Variants in TMEM202 observed in about 807,000 individuals in gnomAD.
TMEM202 encodes the protein transmembrane protein 202.
Under a neutral mutation model 26.1 loss-of-function variants are expected in TMEM202, and 25 were observed. The observed-to-expected ratio is 0.96, with a 90% CI of 0.70 to 1.34. The LOEUF (loss-of-function observed/expected upper bound fraction) is 1.34. TMEM202 is among the 40% of genes most tolerant of loss of function. The probability of loss-of-function intolerance (pLI) is 0.00; values close to 1 mark genes in which losing one functional copy is unlikely to be tolerated. For missense variants in TMEM202, 301 were observed against 327.7 expected (o/e 0.92, Z 0.63); for synonymous variants, 122 against 119.0 (o/e 1.02, Z -0.16).
intron 2 of TMEM202, among the ~76,000 whole-genome samples, chr15:72,406,380 T>C (rs781575407): frequency 1.3e-5 from 2 of 152,218 alleles, no homozygotes; most frequent in Non-Finnish European, 2.9e-5. Context: ...ACACCTTTTA[T>C]AAGCTAGTTT....
At chr15:72,401,492 G>C (rs1485328167) in intron 2 of TMEM202, among the ~76,000 whole-genome samples, 1 of 152,120 alleles carries the variant, frequency 6.6e-6, no homozygotes, top group East Asian at 1.9e-4. Context: ...GTTGTGAGCC[G>C]AGATTGAGCT....
At position 72,407,903 on chromosome 15, in the gene TMEM202, C is replaced by T. The variant is rs757745581; in HGVS notation, c.*10C>T. 1 of 1,608,520 alleles carries T rather than the reference C, an allele frequency of 6.2e-7. No individual in the cohort carries two copies. On this transcript the variant is annotated 3_prime_UTR_variant, in exon 5 of 5. Coordinates refer to ENST00000341689, the MANE Select transcript of TMEM202 (RefSeq NM_001080462.3). ...AGGACTGTGGTGGTGATAGGAAAACCTAACTATAGCTTGTCTTAAAAGCAG... is the reference window on the plus strand; with the variant it reads ...AGGACTGTGGTGGTGATAGGAAAACTTAACTATAGCTTGTCTTAAAAGCAG...
At position 72,398,739 on chromosome 15, in the gene TMEM202, C is replaced by T. The variant is rs1302265851; in HGVS notation, c.168C>T (p.Ile56=). Residue 56 remains isoleucine (I), a synonymous_variant, in exon 2 of 5, where the codon ATC becomes ATT. Transcript: ENST00000341689. ...TTATGGATCAGGCACACATCTACAT[C>T]CGAACGCTCTGTGGCAGCCTCTGTA... The part of the protein sequence containing the change: ...QQLMDQAHIY[I]RTLCGSLCSF... 1.2e-6 allele frequency: 2 copies of T among 1,614,028 alleles called. No homozygotes were observed. Among genetic ancestry groups the T allele is most frequent in the Non-Finnish European group, 1.7e-6 (2 of 1,180,032 alleles).
At chr15:72,403,868 A>T (rs928363187) in intron 2 of TMEM202, among the ~76,000 whole-genome samples, 1 of 152,190 alleles carries the variant, frequency 6.6e-6, no homozygotes, top group East Asian at 1.9e-4. Flanking sequence ...TCTATGCTGC[A>T]CATCTTTAAA....
At chr15:72,404,105 A>G (rs181451023) in intron 2 of TMEM202, among the ~76,000 whole-genome samples, 7 of 152,294 alleles carry the variant, frequency 4.6e-5, no homozygotes, top group Admixed American at 4.6e-4. Flanking sequence ...TAAAGAGTGA[A>G]CTTATTTATA....
chr15:72,402,718 G>C (rs1044326965), intron 2 of TMEM202, among the ~76,000 whole-genome samples: 3 of 152,162 alleles, frequency 2.0e-5, no homozygotes, highest in Non-Finnish European at 4.4e-5. Flanking sequence ...GAAAGGGTAA[G>C]TCTTTTTGTC....
At chr15:72,402,017 G>A (rs1029641456) in intron 2 of TMEM202, among the ~76,000 whole-genome samples, 6 of 152,040 alleles carry the variant, frequency 3.9e-5, no homozygotes, top group Admixed American at 6.6e-5. Flanking sequence ...CCAGGCTGGA[G>A]TGCAGTGGCG....
intron 2 of TMEM202, among the ~76,000 whole-genome samples, chr15:72,401,419 C>T (rs1567315478): frequency 6.6e-6 from 1 of 152,076 alleles, no homozygotes; most frequent in Non-Finnish European, 1.5e-5. Flanking sequence ...TAGTGGGCAC[C>T]TGCAATCCCA....
intron 2 of TMEM202, among the ~76,000 whole-genome samples, chr15:72,400,737 G>A (rs973994756): frequency 6.6e-5 from 10 of 151,336 alleles, no homozygotes; most frequent in African/African-American, 2.4e-4. Flanking sequence ...TTCAAGATGA[G>A]TCCATAGAGT....
intron 2 of TMEM202, among the ~76,000 whole-genome samples, chr15:72,403,394 A>G (rs538917460): frequency 6.6e-6 from 1 of 152,322 alleles, no homozygotes; most frequent in South Asian, 2.1e-4. Flanking sequence ...TATTAGTTTC[A>G]GTAAGCTGGG....
At position 72,398,789 on chromosome 15, in the gene TMEM202, C is replaced by A; in HGVS notation, c.218C>A (p.Ala73Asp). The A allele has an allele frequency of 6.2e-7, 1 of 1,614,156 alleles. No homozygotes were observed. Among genetic ancestry groups the A allele is most frequent in the Non-Finnish European group, 8.5e-7 (1 of 1,180,032 alleles). ...LCSFSLLMLI[A>D]MSPLNWVQFL... ...AGTTTTAGCCTCCTAATGCTGATCGCCATGTCCCCACTGAACTGGGTACAG... is the reference window on the plus strand; with the variant it reads ...AGTTTTAGCCTCCTAATGCTGATCGACATGTCCCCACTGAACTGGGTACAG... Residue 73 changes from alanine to aspartate, a missense_variant, in exon 2 of 5, where the codon GCC becomes GAC. Coordinates refer to ENST00000341689, the MANE Select transcript of TMEM202 (RefSeq NM_001080462.3).
At chr15:72,405,466 C>T (rs1391818637) in intron 2 of TMEM202, among the ~76,000 whole-genome samples, 4 of 152,104 alleles carry the variant, frequency 2.6e-5, no homozygotes, top group Admixed American at 6.5e-5. Flanking sequence ...AGCATATCCC[C>T]GCTGCTCTCT....
chr15:72,402,891 C>T (rs944413778), intron 2 of TMEM202, among the ~76,000 whole-genome samples: 2 of 152,028 alleles, frequency 1.3e-5, no homozygotes, highest in Non-Finnish European at 2.9e-5. Flanking sequence ...AAGTCTCCAC[C>T]CAGGATCATT....
rs552526726 is a variant in TMEM202 at position 72,400,660 on chromosome 15, G to A, written c.337+1752G>A. Among the ~76,000 whole-genome samples the A allele has an allele frequency of 3.9e-5, 6 of 152,252 alleles. No homozygotes were observed. In the East Asian group the frequency reaches 1.2e-3, roughly 29 times the overall value. On this transcript the variant is annotated intron_variant, in intron 2 of 4. Transcript: ENST00000341689. ...GTGGTGACTCACGCCTGTAATCCCA[G>A]TGTTACCAGAAAGGGGTCCTGATCC...
chr15:72,408,101 T>C lies in TMEM202; in HGVS notation c.*208T>C. On this transcript the variant is annotated 3_prime_UTR_variant, in exon 5 of 5. Coordinates refer to ENST00000341689, the MANE Select transcript of TMEM202 (RefSeq NM_001080462.3). ...ATAACTCACTTAAGAAAAACATTTCTAAAAGAAAACAACAATGTTTAGAGT... is the reference window on the plus strand; with the variant it reads ...ATAACTCACTTAAGAAAAACATTTCCAAAAGAAAACAACAATGTTTAGAGT... 1.9e-6 allele frequency: 1 copy of C among 539,528 alleles called. No individual in the cohort carries two copies. The highest frequency in any genetic ancestry group is 3.1e-5 in the East Asian group (1 of 32,054). 33.4% of individuals were successfully genotyped at this position (539,528 alleles called of 1,614,324 possible).
Position 72,408,043 on chromosome 15 carries a change from G to A in TMEM202, c.*150G>A, listed in dbSNP as rs1456259790. ...TGATGAAATGTCTTTTGCGTGCATT[G>A]GATCCAAAATATATATGATAGTCAT... On this transcript the variant is annotated 3_prime_UTR_variant, in exon 5 of 5. Coordinates refer to ENST00000341689, the MANE Select transcript of TMEM202 (RefSeq NM_001080462.3). 2 of 621,886 alleles carry A rather than the reference G, an allele frequency of 3.2e-6. No individual in the cohort carries two copies. Among genetic ancestry groups the A allele is most frequent in the East Asian group, 5.5e-5 (2 of 36,194 alleles). The allele number at this position is 621,886 out of a possible 1,614,324, so 38.5% of individuals were successfully genotyped here.
intron 2 of TMEM202, among the ~76,000 whole-genome samples, chr15:72,401,404 C>T (rs1413286592): frequency 6.6e-6 from 1 of 151,948 alleles, no homozygotes; most frequent in East Asian, 1.9e-4. Context: ...ATTAGCTGGG[C>T]GTGGTAGTGG....
chr15:72,407,078 G>A lies in TMEM202; in HGVS notation c.488-8G>A, dbSNP rs1158570555. The A allele has an allele frequency of 1.9e-6, 3 of 1,611,314 alleles. No homozygotes were observed. The East Asian group carries it at 6.7e-5, about 36-fold the overall frequency. On this transcript the variant is annotated splice_region_variant and splice_polypyrimidine_tract_variant and intron_variant, in intron 3 of 4. Transcript: ENST00000341689. ...GATGGGTTGTGACATCTTTCCTTCT[G>A]GTCCTAGCTACCTGCTTGCTCCTCT...
At chr15:72,407,444 G>A (rs2063577947) in intron 4 of TMEM202, among the ~76,000 whole-genome samples, 1 of 152,084 alleles carries the variant, frequency 6.6e-6, no homozygotes, top group Admixed American at 6.6e-5. Context: ...TGAGTAACTT[G>A]CCCAAGACCA....
Sources: allele counts gnomAD v4.1 joint callset (sites outside exome capture counted in the v4.1 genomes callset), GRCh38; gene constraint gnomAD v4.1.1; transcripts MANE v1.5; gene names NCBI Gene and HGNC (gene_info 2026-07-23, HGNC 2026-07-21).